GPC6: variants seen among roughly 807,000 people sequenced by gnomAD.
GPC6 encodes the protein glypican 6, also known as glypican-6.
A neutral mutation model predicts 55.2 loss-of-function variants in GPC6; 14 were observed. The ratio of observed to expected loss-of-function variants is 0.25; its 90% CI spans 0.17 to 0.40. The LOEUF (loss-of-function observed/expected upper bound fraction) is 0.40, where lower values mean the gene tolerates loss of function less well. Among genes scored for constraint, GPC6 ranks in the 10% least tolerant of loss-of-function variants. The probability of loss-of-function intolerance (pLI) is 1.00; values close to 1 mark genes in which losing one functional copy is unlikely to be tolerated. For missense variants in GPC6, 641 were observed against 708.5 expected (o/e 0.90, Z 1.08); for synonymous variants, 278 against 259.6 (o/e 1.07, Z -0.68).
chr13:93,793,763 A>G (rs537470589), intron 2 of GPC6, among the ~76,000 whole-genome samples: 4 of 152,348 alleles, frequency 2.6e-5, no homozygotes, highest in Non-Finnish European at 2.9e-5. Flanking sequence ...CTATAGAATT[A>G]TTTCATATTG....
chr13:93,336,388 C>G (rs1165908031), intron 1 of GPC6, among the ~76,000 whole-genome samples: 1 of 152,146 alleles, frequency 6.6e-6, no homozygotes, highest in East Asian at 1.9e-4. Context: ...AATTGTTCCC[C>G]CAGATTTGGA....
intron 2 of GPC6, among the ~76,000 whole-genome samples, chr13:93,745,761 C>T (rs1381845065): frequency 6.6e-6 from 1 of 152,048 alleles, no homozygotes. Context: ...TTTTTGTTTT[C>T]CCATCCTACG....
At position 94,085,277 on chromosome 13, in the gene GPC6, AC is replaced by A. The variant is rs888180395; in HGVS notation, c.877+57384del. On this transcript the variant is annotated intron_variant, in intron 4 of 8. Coordinates refer to ENST00000377047, the MANE Select transcript of GPC6 (RefSeq NM_005708.5). Reference sequence around the variant, plus strand: ...GCGGAGGTTGCAGTGAGCCGAGATCACGCCACTGCACTCCAGCCTGGGTGAC... The same window carrying A: ...GCGGAGGTTGCAGTGAGCCGAGATCAGCCACTGCACTCCAGCCTGGGTGAC... 5.4e-4 allele frequency among the ~76,000 whole-genome samples: 74 copies of A among 137,952 alleles called. No individual in the cohort carries two copies. The Middle Eastern group carries it at 0.023, about 43-fold the overall frequency. 90.5% of individuals were successfully genotyped at this position (137,952 alleles called of 152,430 possible).
intron 3 of GPC6, among the ~76,000 whole-genome samples, chr13:93,940,601 A>T (rs1338709365): frequency 7.0e-4 from 107 of 152,228 alleles, no homozygotes; most frequent in Non-Finnish European, 2.1e-4. Flanking sequence ...AAAGAGACCC[A>T]ATAGATACAC....
chr13:94,392,427 T>G (rs1594236201), intron 7 of GPC6, among the ~76,000 whole-genome samples: 1 of 22,776 alleles, frequency 4.4e-5, no homozygotes, highest in African/African-American at 2.8e-4. Flanking sequence ...TTTTTTTTTT[T>G]TTTTTTTTTT....
rs558216279 is a variant in GPC6, at chr13:94,154,119, T to C, written c.877+126225T>C. On this transcript the variant is annotated intron_variant, in intron 4 of 8. Coordinates refer to ENST00000377047, the MANE Select transcript of GPC6 (RefSeq NM_005708.5). ...AATCAAACTAGACTTAGTTCAGGTA[T>C]AATATTTATCCCAGATGAGATTATA... 1.6e-4 allele frequency: 25 copies of C among 152,238 alleles called. No individual in the cohort carries two copies. In the South Asian group the frequency reaches 5.0e-3, roughly 30 times the overall value. 9.4% of individuals were successfully genotyped at this position (152,238 alleles called of 1,614,324 possible). A position where few individuals can be genotyped will look rare whatever the true frequency, so the allele number is the denominator to read the frequency against.
chr13:93,450,538 C>T (rs529203102), intron 1 of GPC6, among the ~76,000 whole-genome samples: 1 of 152,340 alleles, frequency 6.6e-6, no homozygotes, highest in African/African-American at 2.4e-5. Context: ...CACTCCCACA[C>T]AATACCACTC....
intron 2 of GPC6, among the ~76,000 whole-genome samples, chr13:93,784,485 G>C (rs934789070): frequency 2.0e-5 from 3 of 152,104 alleles, no homozygotes; most frequent in Admixed American, 2.0e-4. Context: ...CAAAAACATG[G>C]ATTTTACACC....
intron 1 of GPC6, among the ~76,000 whole-genome samples, chr13:93,313,765 C>G (rs1352756762): frequency 6.6e-6 from 1 of 152,002 alleles, no homozygotes; most frequent in Non-Finnish European, 1.5e-5. Context: ...TTTCTGGGCT[C>G]AAACAATCCT....
Position 94,026,664 on chromosome 13 carries a change from C to A in GPC6, c.712-1065C>A, listed in dbSNP as rs76034122. Among the ~76,000 whole-genome samples the A allele has an allele frequency of 4.4e-3, 663 of 152,186 alleles. 8 individuals carry two copies. Among genetic ancestry groups the A allele is most frequent in the African/African-American group, 0.015 (634 of 41,500 alleles). ...TTCATTCTCACATACTACTATAAAG[C>A]ACTGCCCGAGAGTATAATTTTTTAA... On this transcript the variant is annotated intron_variant, in intron 3 of 8. Coordinates refer to ENST00000377047, the MANE Select transcript of GPC6 (RefSeq NM_005708.5).
At chr13:93,345,874 T>C (rs12874252) in intron 1 of GPC6, among the ~76,000 whole-genome samples, 11,184 of 152,296 alleles carry the variant, frequency 0.073, 523 homozygotes, top group East Asian at 0.12. Context: ...TTCTCCAGCA[T>C]GTTTGCTGAG....
chr13:93,767,915 G>A lies in GPC6; in HGVS notation c.320-62239G>A, dbSNP rs373693510. ...CTCATCTTCAAGCAAAAATTTAGTC[G>A]TTTTTCTTTTTTCCCCCTCACTGAT... On this transcript the variant is annotated intron_variant, in intron 2 of 8. Transcript: ENST00000377047. 6.8e-4 allele frequency among the ~76,000 whole-genome samples: 103 copies of A among 151,904 alleles called. 1 individual carries two copies. The highest frequency in any genetic ancestry group is 2.7e-3 in the Admixed American group (41 of 15,258).
At chr13:93,888,848 A>G (rs1875496732) in intron 3 of GPC6, among the ~76,000 whole-genome samples, 1 of 152,164 alleles carries the variant, frequency 6.6e-6, no homozygotes, top group South Asian at 2.1e-4. Context: ...GGTCTTGACT[A>G]TTCAAAAACT....
At chr13:94,312,722 A>ACG (rs1220834056) in intron 6 of GPC6, among the ~76,000 whole-genome samples, 1 of 120,446 alleles carries the variant, frequency 8.3e-6, no homozygotes, top group African/African-American at 2.9e-5. Context: ...ACGCGCACGC[A>ACG]CACACACACA....
At chr13:93,730,286 A>C (rs1594407764) in intron 2 of GPC6, among the ~76,000 whole-genome samples, 1 of 152,190 alleles carries the variant, frequency 6.6e-6, no homozygotes, top group Admixed American at 6.5e-5. Flanking sequence ...TAGGAGGAAC[A>C]AGACAGTTGA....
intron 3 of GPC6, among the ~76,000 whole-genome samples, chr13:93,913,894 G>T (rs184728379): frequency 3.9e-4 from 59 of 152,122 alleles, no homozygotes; most frequent in Admixed American, 7.2e-4. Context: ...CTGCTGACAG[G>T]ATTCACTCCA....
intron 2 of GPC6, among the ~76,000 whole-genome samples, chr13:93,674,723 A>G (rs2139632795): frequency 6.6e-6 from 1 of 152,280 alleles, no homozygotes; most frequent in East Asian, 1.9e-4. Flanking sequence ...GAAACCATTC[A>G]GGTTGTGTGA....
chr13:93,412,963 A>G (rs1010805256), intron 1 of GPC6, among the ~76,000 whole-genome samples: 1 of 152,204 alleles, frequency 6.6e-6, no homozygotes, highest in Non-Finnish European at 1.5e-5. Flanking sequence ...ATATCTGGAA[A>G]CCTGCCTAGA....
chr13:94,387,764 C>CTG (rs1566747443), intron 7 of GPC6, among the ~76,000 whole-genome samples: 3 of 108,950 alleles, frequency 2.8e-5, no homozygotes, highest in African/African-American at 1.2e-4. Context: ...CTCTCTCTCT[C>CTG]TGCCGTGTGA....
Sources: allele counts gnomAD v4.1 joint callset (sites outside exome capture counted in the v4.1 genomes callset), GRCh38; gene constraint gnomAD v4.1.1; transcripts MANE v1.5; gene names NCBI Gene and HGNC (gene_info 2026-07-23, HGNC 2026-07-21).